MDN1: variants seen among roughly 807,000 people sequenced by gnomAD.
MDN1 encodes the protein midasin AAA ATPase 1, also known as midasin.
Under a neutral mutation model 669.2 loss-of-function variants are expected in MDN1, and 266 were observed. That is an observed-to-expected ratio of 0.40 (90% CI 0.36 to 0.44). The LOEUF is 0.44. MDN1 is among the 20% of genes least tolerant of loss of function. MDN1 has a pLI of 1.00. For synonymous variants in MDN1, 2,385 were observed against 2,457.1 expected, an observed-to-expected ratio of 0.97 and a Z score of 0.87; for missense variants, 5,940 against 6,754.0, an observed-to-expected ratio of 0.88 and a Z score of 4.22.
intron 101 of MDN1, among the ~76,000 whole-genome samples, chr6:89,644,726 C>G (rs1385192107): frequency 1.3e-5 from 2 of 152,234 alleles, no homozygotes; most frequent in East Asian, 3.8e-4. Flanking sequence ...AATGATGACC[C>G]ACAGAGGATG....
chr6:89,716,853 TCAAA>T, intron 43 of MDN1, 44 bp from the exon 44 acceptor site: 1 of 1,500,358 alleles, frequency 6.7e-7, no homozygotes, highest in Non-Finnish European at 8.9e-7. Flanking sequence ...GCACTTAACT[TCAAA>T]CAAAGAATTA....
rs570981535 is a variant in MDN1, at chr6:89,733,036, C to T, written c.4724-261G>A. Among the ~76,000 whole-genome samples the T allele has an allele frequency of 2.6e-5, 4 of 152,266 alleles. No homozygotes were observed. The South Asian group carries it at 8.3e-4, about 32-fold the overall frequency. On this transcript the variant is annotated intron_variant, in intron 33 of 101. Coordinates refer to ENST00000369393, the MANE Select transcript of MDN1 (RefSeq NM_014611.3). ...GGGAGTTATAGTTTTAGATACTGAC[C>T]TGAAAACTGCTCAAAGAAATATTCA...
Position 89,683,251 on chromosome 6 carries a change from C to T in MDN1, c.11983G>A (p.Glu3995Lys). 1.9e-6 allele frequency: 3 copies of T among 1,614,176 alleles called. No homozygotes were observed. The highest frequency in any genetic ancestry group is 2.5e-6 in the Non-Finnish European group (3 of 1,180,030). ...CRSSLVESDK[E>K]EQPDFLPRPT... ...CTGGGCAAAAAGTCAGGCTGTTCTT[C>T]CTTGTCACTCTCCACCAGGGATGAC... is the stretch of plus-strand genomic sequence containing the variant. The change falls in exon 73 of 102, where the codon GAA (glutamate) becomes AAA (lysine). Residue 3995 changes from glutamate (E) to lysine (K), a missense_variant. Coordinates refer to ENST00000369393, the MANE Select transcript of MDN1 (RefSeq NM_014611.3).
chr6:89,741,729 T>C (rs1816309156), intron 31 of MDN1, among the ~76,000 whole-genome samples: 1 of 152,110 alleles, frequency 6.6e-6, no homozygotes, highest in South Asian at 2.1e-4. Context: ...CCCATGAACT[T>C]ATTTAGGGCA....
At chr6:89,646,027 C>A (rs1808469448) in intron 100 of MDN1, among the ~76,000 whole-genome samples, 1 of 152,154 alleles carries the variant, frequency 6.6e-6, no homozygotes, top group African/African-American at 2.4e-5. Context: ...AGGACACACA[C>A]CCCCTCACCC....
intron 73 of MDN1, among the ~76,000 whole-genome samples, chr6:89,681,127 T>C (rs1472427454): frequency 5.3e-5 from 8 of 152,092 alleles, no homozygotes; most frequent in Non-Finnish European, 1.2e-4. Flanking sequence ...CCTACTCCTG[T>C]GACCAGTTAC....
At chr6:89,748,887 T>G (rs1386443594) in intron 26 of MDN1, among the ~76,000 whole-genome samples, 1 of 126,176 alleles carries the variant, frequency 7.9e-6, no homozygotes, top group East Asian at 2.7e-4. Flanking sequence ...TGGCGAAACC[T>G]TGTCTCTACA....
In MDN1 at chr6:89,756,376, T is replaced by C. The variant is rs1817245593; in HGVS notation, c.2717A>G (p.Tyr906Cys). 6.4e-7 allele frequency: 1 copy of C among 1,557,084 alleles called. No individual in the cohort carries two copies. The highest frequency in any genetic ancestry group is 2.3e-5 in the East Asian group (1 of 44,252). ...PGIRNRFTEL[Y>C]VEELESKEDL... ...TTCTTTGCTTTCTAATTCTTCTACA[T>C]AAAGTTCTGTGAACCTGTAAAACAA... Residue 906 changes from tyrosine (Y) to cysteine (C), a missense_variant, in exon 20 of 102, where the codon TAT becomes TGT. Physicochemically the swap from Tyr to Cys is radical, Grantham distance 194. Around this residue, in one of 5 missense-constraint regions of MDN1, gnomAD observed 1,203 missense variants for 1,268.9 expected, o/e 0.95. Coordinates refer to ENST00000369393, the MANE Select transcript of MDN1 (RefSeq NM_014611.3).
intron 1 of MDN1, among the ~76,000 whole-genome samples, chr6:89,808,638 G>C (rs1768166090): frequency 6.6e-6 from 1 of 152,022 alleles, no homozygotes; most frequent in Non-Finnish European, 1.5e-5. Flanking sequence ...ACCCTTCCCA[G>C]CATATTCCAA....
In MDN1 at chr6:89,719,191, T is replaced by A; in HGVS notation, c.6002A>T (p.Asn2001Ile). ...IAVFKDVFGS[N>I]SNPYMGTRLF... The stretch of plus-strand genomic sequence containing the variant: ...TCTGGTTCCCATGTATGGGTTGGAA[T>A]TTGAACCAAACACATCCTTGAATAC... The change falls in exon 41 of 102, where the codon AAT becomes ATT. Residue 2001 changes from asparagine (N) to isoleucine (I), a missense_variant. Asn to Ile is a moderately radical substitution (Grantham distance 149, BLOSUM62 -3). Coordinates refer to ENST00000369393, the MANE Select transcript of MDN1 (RefSeq NM_014611.3). 3 of 1,613,944 alleles carry A rather than the reference T, an allele frequency of 1.9e-6. No homozygotes were observed. Among genetic ancestry groups the A allele is most frequent in the Non-Finnish European group, 2.5e-6 (3 of 1,179,830 alleles).
Position 89,716,795 on chromosome 6 carries a change from C to G in MDN1, c.6598G>C (p.Val2200Leu), listed in dbSNP as rs1814406696. The change falls in exon 44 of 102, where the codon GTT becomes CTT. Residue 2200 changes from valine (V) to leucine (L), a missense_variant. Around this residue, in one of 5 missense-constraint regions of MDN1, gnomAD observed 2,292 missense variants for 2,638.3 expected, o/e 0.87. Coordinates refer to ENST00000369393, the MANE Select transcript of MDN1 (RefSeq NM_014611.3). ...SYCKAEFAKL[V>L]EEFRSFGVKL... is the part of the protein sequence containing the mutation. ...ACACCAAAGCTTCGGAACTCTTCAA[C>G]AAGTTTGGCAAACTCTGAAATGTCA... 2 of 1,604,232 alleles carry G rather than the reference C, an allele frequency of 1.2e-6. No individual in the cohort carries two copies. Among genetic ancestry groups the G allele is most frequent in the Non-Finnish European group, 1.7e-6 (2 of 1,176,366 alleles).
rs767886939 is a variant in MDN1 at position 89,750,364 on chromosome 6, G to A, written c.3396C>T (p.Val1132=). ...GAATCTTAACCCTACCTTCCTTAAA[G>A]ACAAGCTTCCCTGAGGAGTCAGACG... ...CYTSDSSGKL[V]FKEGVLIDAM... is the part of the protein sequence containing the mutation. Residue 1132 remains valine (V), a synonymous_variant, in exon 24 of 102, where the codon GTC becomes GTT. Coordinates refer to ENST00000369393, the MANE Select transcript of MDN1 (RefSeq NM_014611.3). 1.2e-6 allele frequency: 2 copies of A among 1,607,628 alleles called. No individual in the cohort carries two copies. Among genetic ancestry groups the A allele is most frequent in the Non-Finnish European group, 1.7e-6 (2 of 1,174,860 alleles).
intron 84 of MDN1, among the ~76,000 whole-genome samples, chr6:89,666,846 T>C (rs990223920): frequency 6.6e-6 from 1 of 152,240 alleles, no homozygotes; most frequent in African/African-American, 2.4e-5. Flanking sequence ...TGTTGATACA[T>C]ACAAAACCAT....
chr6:89,728,838 A>G, intron 36 of MDN1, 93 bp downstream of exon 36: 1 of 1,300,162 alleles, frequency 7.7e-7, no homozygotes, highest in Non-Finnish European at 1.1e-6. Context: ...GAGGATACTG[A>G]TAATGTAATC....
rs1816648564 is a variant in MDN1 at position 89,746,639 on chromosome 6, GAAAGAAAGAA to G, written c.3904+680_3904+689del. Among the ~76,000 whole-genome samples, 4 of 117,262 alleles carry G rather than the reference GAAAGAAAGAA, an allele frequency of 3.4e-5. No individual in the cohort carries two copies. The South Asian group carries it at 1.1e-3, about 33-fold the overall frequency. The allele number at this position is 117,262 out of a possible 152,430, so 76.9% of individuals were successfully genotyped here. ...AGAAAGAAAGAAAGAAAGAAAGAAA[GAAAGAAAGAA>G]AAAAAGTTTTTAAAAAAGTATTCCT... is the stretch of plus-strand genomic sequence containing the variant. On this transcript the variant is annotated intron_variant, in intron 27 of 101. Transcript: ENST00000369393.
chr6:89,718,315 C>T, intron 43 of MDN1, 51 bp downstream of exon 43: 1 of 1,530,556 alleles, frequency 6.5e-7, no homozygotes, highest in Non-Finnish European at 8.9e-7. Context: ...TGTAAATGGA[C>T]ACAATATAAG....
chr6:89,690,550 C>A, intron 64 of MDN1, 123 bp downstream of exon 64: 1 of 1,240,894 alleles, frequency 8.1e-7, no homozygotes, highest in Admixed American at 2.5e-5. Flanking sequence ...AGAGCAAGAC[C>A]CAGTCTCTAA....
chr6:89,724,439 C>T (rs1815067641), intron 38 of MDN1, among the ~76,000 whole-genome samples: 1 of 152,106 alleles, frequency 6.6e-6, no homozygotes, highest in East Asian at 1.9e-4. Flanking sequence ...CCTGCCACCA[C>T]ACCCAGCTAA....
chr6:89,815,302 C>T (rs1008480941), intron 1 of MDN1: 48 of 476,446 alleles, frequency 1.0e-4, no homozygotes, highest in Middle Eastern at 3.9e-4. Flanking sequence ...AGCAGGAATT[C>T]GGCATCTCCA....
Sources: gnomAD v4.1 joint callset for allele counts (sites outside exome capture counted in the v4.1 genomes callset) on GRCh38, gnomAD v4.1.1 for gene constraint, gnomAD v4.1.1 regional missense constraint, MANE v1.5 for transcripts, NCBI Gene and HGNC (gene_info 2026-07-23, HGNC 2026-07-21) for gene names.